ADGRB3: variants seen among roughly 807,000 people sequenced by gnomAD.
The protein encoded by ADGRB3 is adhesion G protein-coupled receptor B3, also known as brain-specific angiogenesis inhibitor 3.
Under a neutral mutation model 193.4 loss-of-function variants are expected in ADGRB3, and 37 were observed. That is an observed-to-expected ratio of 0.19 (90% CI 0.15 to 0.25). The LOEUF (loss-of-function observed/expected upper bound fraction) is 0.25. Ranked by LOEUF, ADGRB3 falls within the 10% of genes least tolerant of loss-of-function variation. The pLI, the probability that ADGRB3 is intolerant of heterozygous loss-of-function variation, is 1.00. For missense variants in ADGRB3, 1,637 were observed against 1,852.9 expected (o/e 0.88, Z 2.14); for synonymous variants, 690 against 644.2 (o/e 1.07, Z -1.08).
chr6:69,337,535 C>A (rs1000540799), intron 24 of ADGRB3, among the ~76,000 whole-genome samples: 5 of 152,216 alleles, frequency 3.3e-5, no homozygotes, highest in African/African-American at 1.2e-4. Flanking sequence ...TACACATCGG[C>A]GTGTCCAATA....
At chr6:69,221,392 A>T (rs1765890342) in intron 17 of ADGRB3, among the ~76,000 whole-genome samples, 1 of 152,098 alleles carries the variant, frequency 6.6e-6, no homozygotes, top group South Asian at 2.1e-4. Context: ...GCACAGACTT[A>T]TATTGCTTTT....
At chr6:68,987,797 A>C (rs1027873022) in intron 10 of ADGRB3, among the ~76,000 whole-genome samples, 1 of 152,156 alleles carries the variant, frequency 6.6e-6, no homozygotes, top group Non-Finnish European at 1.5e-5. Context: ...GGTACCCCTT[A>C]TAAAACATGT....
At chr6:68,755,223 A>G (rs1766276045) in intron 3 of ADGRB3, among the ~76,000 whole-genome samples, 1 of 152,168 alleles carries the variant, frequency 6.6e-6, no homozygotes, top group South Asian at 2.1e-4. Flanking sequence ...ATATTTATAG[A>G]TATGATTGTT....
chr6:69,331,013 A>G (rs1435652477), intron 23 of ADGRB3, among the ~76,000 whole-genome samples: 1 of 152,050 alleles, frequency 6.6e-6, no homozygotes, highest in African/African-American at 2.4e-5. Flanking sequence ...AGTGATACTG[A>G]TATTTTGGAT....
chr6:69,021,580 T>C lies in ADGRB3; in HGVS notation c.2107+3081T>C, dbSNP rs190307095. Among the ~76,000 whole-genome samples, 102 of 152,040 alleles carry C rather than the reference T, an allele frequency of 6.7e-4. 1 individual carries two copies. Among genetic ancestry groups the C allele is most frequent in the Middle Eastern group, 6.8e-3 (2 of 294 alleles). On this transcript the variant is annotated intron_variant, in intron 13 of 31. Coordinates refer to ENST00000370598, the MANE Select transcript of ADGRB3 (RefSeq NM_001704.3). ...ATAATAACAAAGAAATACTTTTTCC[T>C]TACTGTCATTTCCTAAAGAAATGAC...
At chr6:68,759,615 G>A (rs886274514) in intron 3 of ADGRB3, among the ~76,000 whole-genome samples, 5 of 152,076 alleles carry the variant, frequency 3.3e-5, no homozygotes, top group African/African-American at 1.2e-4. Flanking sequence ...TAAAATTGAG[G>A]TCATGTATTC....
Position 68,670,524 on chromosome 6 carries a change from T to C in ADGRB3, c.757+31092T>C, listed in dbSNP as rs114598175. On this transcript the variant is annotated intron_variant, in intron 3 of 31. Coordinates refer to ENST00000370598, the MANE Select transcript of ADGRB3 (RefSeq NM_001704.3). ...TCCCAGTAACATTTTTTGAAAAGAC[T>C]GTCTTTTTTCTCCAATGGATGTTTT... 5.1e-3 allele frequency among the ~76,000 whole-genome samples: 774 copies of C among 152,114 alleles called. 7 individuals carry two copies. The highest frequency in any genetic ancestry group is 0.017 in the African/African-American group (710 of 41,526).
At chr6:68,961,360 A>G (rs562800711) in intron 8 of ADGRB3, among the ~76,000 whole-genome samples, 46 of 152,256 alleles carry the variant, frequency 3.0e-4, no homozygotes, top group African/African-American at 1.0e-3. Flanking sequence ...TGATGTTGTC[A>G]GCCCCAGCAT....
chr6:69,047,858 T>C (rs997411928), intron 13 of ADGRB3, among the ~76,000 whole-genome samples: 2 of 152,202 alleles, frequency 1.3e-5, no homozygotes, highest in African/African-American at 4.8e-5. Context: ...AAAAATACAG[T>C]ATGAGTTTCT....
In ADGRB3 at chr6:68,638,831, T is replaced by C. The variant is rs1158436920; in HGVS notation, c.156T>C (p.Phe52=). ...TAAGTGAAATGTTTCCTAAAAACTT[T>C]ACAAACTGCACTTGGACGCTGGAAA... ...YSVSEMFPKN[F]TNCTWTLENP... The change falls in exon 3 of 32, where the codon TTT becomes TTC. Residue 52 remains phenylalanine, a synonymous_variant. Coordinates refer to ENST00000370598, the MANE Select transcript of ADGRB3 (RefSeq NM_001704.3). The C allele has an allele frequency of 6.2e-7, 1 of 1,614,160 alleles. No homozygotes were observed.
intron 3 of ADGRB3, among the ~76,000 whole-genome samples, chr6:68,670,630 A>G (rs1768928584): frequency 6.6e-6 from 1 of 151,778 alleles, no homozygotes; most frequent in Admixed American, 6.6e-5. Context: ...TCTGTTTTTT[A>G]TGCCAGTACC....
At chr6:68,937,734 G>A (rs1767519312) in intron 5 of ADGRB3, among the ~76,000 whole-genome samples, 1 of 152,142 alleles carries the variant, frequency 6.6e-6, no homozygotes, top group African/African-American at 2.4e-5. Context: ...CAGGAATAAT[G>A]TCAGTTTTCC....
In ADGRB3 at chr6:69,209,457, C is replaced by T. The variant is rs188842968; in HGVS notation, c.2481-23833C>T. Among the ~76,000 whole-genome samples, 19 of 152,340 alleles carry T rather than the reference C, an allele frequency of 1.2e-4. No homozygotes were observed. In the East Asian group the frequency reaches 3.7e-3, roughly 29 times the overall value. ...ATTTTAGTCATATTTATTTCCCATC[C>T]TCTGGCACCCAAATGTCTCACCAGT... is the stretch of plus-strand genomic sequence containing the variant. On this transcript the variant is annotated intron_variant, in intron 17 of 31. Transcript: ENST00000370598.
At chr6:68,646,782 T>C (rs1768226326) in intron 3 of ADGRB3, among the ~76,000 whole-genome samples, 1 of 152,198 alleles carries the variant, frequency 6.6e-6, no homozygotes, top group African/African-American at 2.4e-5. Context: ...TGAGAACCAT[T>C]TGAAACTTTT....
At chr6:68,825,122 G>T (rs1767818616) in intron 3 of ADGRB3, among the ~76,000 whole-genome samples, 1 of 152,108 alleles carries the variant, frequency 6.6e-6, no homozygotes. Flanking sequence ...CTCCTGAAGT[G>T]CTGAGATTAC....
In ADGRB3 at chr6:68,689,235, G is replaced by A. The variant is rs570442191; in HGVS notation, c.757+49803G>A. On this transcript the variant is annotated intron_variant, in intron 3 of 31. Coordinates refer to ENST00000370598, the MANE Select transcript of ADGRB3 (RefSeq NM_001704.3). ...GAGAGCTCAGGGTCCTAAAGGGCAGGGTTGGGGGAGGGTAGGTGTCATTAG... is the reference window on the plus strand; with the variant it reads ...GAGAGCTCAGGGTCCTAAAGGGCAGAGTTGGGGGAGGGTAGGTGTCATTAG... Among the ~76,000 whole-genome samples the A allele has an allele frequency of 2.0e-5, 3 of 152,222 alleles. No homozygotes were observed. The East Asian group carries it at 5.8e-4, about 30-fold the overall frequency.
At position 69,220,404 on chromosome 6, in the gene ADGRB3, C is replaced by T. The variant is rs535295200; in HGVS notation, c.2481-12886C>T. Among the ~76,000 whole-genome samples, 49 of 152,268 alleles carry T rather than the reference C, an allele frequency of 3.2e-4. 2 individuals are homozygous for T. In the South Asian group the frequency reaches 0.01, roughly 32 times the overall value. Reference sequence around the variant, plus strand: ...TTGGTCAGTTACTAAAAATTAGCCACTCCTGGATTATGACTGTTATGCGTA... The same window carrying T: ...TTGGTCAGTTACTAAAAATTAGCCATTCCTGGATTATGACTGTTATGCGTA... On this transcript the variant is annotated intron_variant, in intron 17 of 31. Coordinates refer to ENST00000370598, the MANE Select transcript of ADGRB3 (RefSeq NM_001704.3).
At chr6:68,761,311 T>C (rs1332395544) in intron 3 of ADGRB3, among the ~76,000 whole-genome samples, 5 of 144,366 alleles carry the variant, frequency 3.5e-5, no homozygotes, top group Non-Finnish European at 7.6e-5. Flanking sequence ...TACATATTTA[T>C]ATAAATGACC....
In ADGRB3 at chr6:68,952,582, G is replaced by A. The variant is rs191266651; in HGVS notation, c.1196-3442G>A. Among the ~76,000 whole-genome samples the A allele has an allele frequency of 1.4e-3, 210 of 151,880 alleles. 2 individuals are homozygous for A. The highest frequency in any genetic ancestry group is 4.4e-3 in the Admixed American group (67 of 15,258). ...CATAATAGTGCAATTACACCAACAT[G>A]GCACACATATACATATGTAACAAAC... is the stretch of plus-strand genomic sequence containing the variant. On this transcript the variant is annotated intron_variant, in intron 6 of 31. Transcript: ENST00000370598.
Sources: gnomAD v4.1 joint callset for allele counts (sites outside exome capture counted in the v4.1 genomes callset) on GRCh38, gnomAD v4.1.1 for gene constraint, MANE v1.5 for transcripts, NCBI Gene and HGNC (gene_info 2026-07-23, HGNC 2026-07-21) for gene names.